IQCM: variants seen among roughly 807,000 people sequenced by gnomAD.
IQCM encodes IQ motif containing M, also known as IQ domain-containing protein M.
IQCM carries 45 observed loss-of-function variants against 57.6 expected under a neutral mutation model. The observed-to-expected ratio is 0.78, with a 90% confidence interval of 0.62 to 1.00. IQCM has a LOEUF of 1.00. Among genes scored for constraint, IQCM ranks in the 50% least tolerant of loss-of-function variants. The pLI, the probability that IQCM is intolerant of heterozygous loss-of-function variation, is 0.00. For synonymous variants in IQCM, 148 were observed against 158.9 expected (o/e 0.93, Z 0.51); for missense variants, 468 against 511.6 (o/e 0.91, Z 0.82).
At chr4:149,398,941 C>T (rs1455511877) in intron 13 of IQCM, among the ~76,000 whole-genome samples, 2 of 151,936 alleles carry the variant, frequency 1.3e-5, no homozygotes, top group Non-Finnish European at 2.9e-5. Context: ...CACTATGTTG[C>T]CCAGGCTGGG....
intron 8 of IQCM, among the ~76,000 whole-genome samples, chr4:149,594,764 T>C (rs1402692819): frequency 2.6e-5 from 4 of 152,148 alleles, no homozygotes; most frequent in Non-Finnish European, 5.9e-5. Flanking sequence ...AGTTGAGCGG[T>C]TTTGAGTGAG....
At chr4:149,641,926 A>AT (rs1456593325) in intron 7 of IQCM, among the ~76,000 whole-genome samples, 1 of 152,144 alleles carries the variant, frequency 6.6e-6, no homozygotes, top group Non-Finnish European at 1.5e-5. Context: ...TAAGATCTTG[A>AT]TTTTGTATTC....
At chr4:149,742,914 G>A (rs1767591022) in intron 2 of IQCM, among the ~76,000 whole-genome samples, 175 bp from the exon 3 acceptor site, 1 of 152,068 alleles carries the variant, frequency 6.6e-6, no homozygotes, top group Non-Finnish European at 1.5e-5. Context: ...AGCTAGCATT[G>A]GGTAGGGCTC....
At chr4:149,677,980 G>T (rs1002605166) in intron 7 of IQCM, among the ~76,000 whole-genome samples, 7 of 151,552 alleles carry the variant, frequency 4.6e-5, no homozygotes, top group African/African-American at 1.7e-4. Flanking sequence ...AAAATACATG[G>T]AGAAGAAAAA....
chr4:149,413,401 T>C (rs946605240), intron 13 of IQCM, among the ~76,000 whole-genome samples: 9 of 152,098 alleles, frequency 5.9e-5, no homozygotes, highest in Non-Finnish European at 1.3e-4. Context: ...CAGCTAAACC[T>C]GTAGCGGGGA....
chr4:149,690,419 G>C (rs1440981209), intron 5 of IQCM, among the ~76,000 whole-genome samples: 3 of 151,866 alleles, frequency 2.0e-5, no homozygotes, highest in Non-Finnish European at 4.4e-5. Flanking sequence ...TTGGGGACTT[G>C]GGGGGAAAGG....
At chr4:149,745,009 A>C (rs1233989286) in intron 2 of IQCM, among the ~76,000 whole-genome samples, 1 of 152,140 alleles carries the variant, frequency 6.6e-6, no homozygotes, top group East Asian at 1.9e-4. Flanking sequence ...CATAAAAGAG[A>C]GTTCAAGAAG....
intron 2 of IQCM, among the ~76,000 whole-genome samples, chr4:149,778,016 T>C (rs765586380): frequency 2.0e-5 from 3 of 152,242 alleles, no homozygotes; most frequent in East Asian, 3.9e-4. Context: ...AACTAAACAA[T>C]GTACTTCTAG....
intron 12 of IQCM, among the ~76,000 whole-genome samples, chr4:149,470,073 C>A (rs1739340565): frequency 6.6e-6 from 1 of 152,084 alleles, no homozygotes; most frequent in Admixed American, 6.6e-5. Flanking sequence ...AACTAACGAG[C>A]AAAATAACCA....
chr4:149,798,801 G>A (rs1773346913), intron 2 of IQCM, among the ~76,000 whole-genome samples: 1 of 151,798 alleles, frequency 6.6e-6, no homozygotes, highest in Non-Finnish European at 1.5e-5. Flanking sequence ...GCATATATAT[G>A]TATCTAATAC....
chr4:149,556,584 A>T (rs947239227), intron 10 of IQCM, among the ~76,000 whole-genome samples: 1 of 147,272 alleles, frequency 6.8e-6, no homozygotes, highest in Admixed American at 7.2e-5. Flanking sequence ...TATCAAAAAA[A>T]TCTTTATTCA....
At chr4:149,397,166 T>C (rs1314126923) in intron 13 of IQCM, among the ~76,000 whole-genome samples, 1 of 151,974 alleles carries the variant, frequency 6.6e-6, no homozygotes, top group Non-Finnish European at 1.5e-5. Context: ...CCACCAACAA[T>C]GTGCAAGTGT....
intron 12 of IQCM, among the ~76,000 whole-genome samples, chr4:149,513,496 C>T (rs1744631572): frequency 6.6e-6 from 1 of 152,174 alleles, no homozygotes; most frequent in Admixed American, 6.5e-5. Context: ...AATGGAAGTA[C>T]TAGAATAATT....
intron 9 of IQCM, among the ~76,000 whole-genome samples, chr4:149,569,149 G>C (rs955809339): frequency 1.3e-5 from 2 of 152,168 alleles, no homozygotes; most frequent in Admixed American, 1.3e-4. Flanking sequence ...GCCCAGGTCT[G>C]GACCAGATCA....
intron 7 of IQCM, among the ~76,000 whole-genome samples, chr4:149,628,901 G>C (rs1379401644): frequency 1.3e-5 from 2 of 152,064 alleles, no homozygotes; most frequent in Non-Finnish European, 2.9e-5. Context: ...ACCACCAACA[G>C]AATTTTCAGG....
chr4:149,761,466 G>A (rs1319780514), intron 2 of IQCM, among the ~76,000 whole-genome samples: 1 of 151,926 alleles, frequency 6.6e-6, no homozygotes, highest in African/African-American at 2.4e-5. Flanking sequence ...TTCTTTAGAG[G>A]AACATACTGA....
chr4:149,389,093 T>C (rs1731657518), intron 13 of IQCM, among the ~76,000 whole-genome samples: 1 of 151,894 alleles, frequency 6.6e-6, no homozygotes, highest in Non-Finnish European at 1.5e-5. Flanking sequence ...ACTCTTATGT[T>C]TTATTCTAGA....
chr4:149,711,027 A>G (rs1032439809), intron 5 of IQCM: 2 of 152,194 alleles, frequency 1.3e-5, no homozygotes, highest in Non-Finnish European at 2.9e-5. Flanking sequence ...AAAGTACTCA[A>G]TTGCTACAGG....
intron 2 of IQCM, among the ~76,000 whole-genome samples, chr4:149,797,637 A>G (rs1467117496): frequency 2.0e-5 from 3 of 152,066 alleles, no homozygotes; most frequent in Non-Finnish European, 4.4e-5. Context: ...TTTAAGAATC[A>G]AACTCCCAAA....
Sources: allele counts gnomAD v4.1 joint callset (sites outside exome capture counted in the v4.1 genomes callset), GRCh38; gene constraint gnomAD v4.1.1; transcripts MANE v1.5; gene names NCBI Gene and HGNC (gene_info 2026-07-23, HGNC 2026-07-21).